ANKRD30B: variants seen among roughly 807,000 people sequenced by gnomAD.
The protein encoded by ANKRD30B is ankyrin repeat domain 30B.
ANKRD30B carries 144 observed loss-of-function variants against 202.2 expected under a neutral mutation model. The observed-to-expected ratio is 0.71, with a 90% CI of 0.62 to 0.82. ANKRD30B has a LOEUF of 0.82. Among genes scored for constraint, ANKRD30B ranks in the 40% least tolerant of loss-of-function variants. ANKRD30B has a pLI of 0.00. For missense variants in ANKRD30B, 1,487 were observed against 1,669.1 expected, an observed-to-expected ratio of 0.89 and a Z score of 1.90; for synonymous variants, 508 against 561.3, an observed-to-expected ratio of 0.91 and a Z score of 1.34.
intron 30 of ANKRD30B, among the ~76,000 whole-genome samples, chr18:14,815,622 A>G (rs1437810136): frequency 6.6e-6 from 1 of 152,190 alleles, no homozygotes; most frequent in East Asian, 1.9e-4. Flanking sequence ...TGTTGCTCTT[A>G]CTTTTGAGTA....
At position 14,765,930 on chromosome 18, in the gene ANKRD30B, T is replaced by C. The variant is rs552818924; in HGVS notation, c.1225+1840T>C. On this transcript the variant is annotated intron_variant, in intron 7 of 43. Transcript: ENST00000690538. ...TTTTTAACTTAAAAAATAACGATAG[T>C]AATTGGTAGGGTTTCTTTTTCACTG... Among the ~76,000 whole-genome samples the C allele has an allele frequency of 7.2e-4, 110 of 152,230 alleles. 3 individuals carry two copies. In the South Asian group the frequency reaches 0.022, roughly 30 times the overall value.
intron 37 of ANKRD30B, among the ~76,000 whole-genome samples, chr18:14,842,363 A>C (rs1444557254): frequency 6.6e-6 from 1 of 152,246 alleles, no homozygotes. Flanking sequence ...TCCATTAAGT[A>C]AATATCCAAG....
At chr18:14,887,466 T>C in the ANKRD30B span, among the ~76,000 whole-genome samples, 2 of 152,194 alleles carry the variant, frequency 1.3e-5, no homozygotes, top group South Asian at 2.1e-4. Context: ...ATATTTGTAA[T>C]GATTTTATTT....
the ANKRD30B span, among the ~76,000 whole-genome samples, chr18:14,925,983 T>C: frequency 2.6e-5 from 4 of 152,186 alleles, no homozygotes; most frequent in African/African-American, 9.7e-5. Flanking sequence ...AGTGTACTTA[T>C]AAATTTTGGG....
chr18:14,788,892 T>C (rs1388879034), intron 15 of ANKRD30B, among the ~76,000 whole-genome samples: 1 of 152,222 alleles, frequency 6.6e-6, no homozygotes, highest in Non-Finnish European at 1.5e-5. Flanking sequence ...TGATTTATAG[T>C]CCTTTGGGTA....
In ANKRD30B at chr18:14,784,420, G is replaced by A. The variant is rs780674750; in HGVS notation, c.1600-43G>A. 30 of 1,612,184 alleles carry A rather than the reference G, an allele frequency of 1.9e-5. No individual in the cohort carries two copies. The South Asian group carries it at 3.2e-4, about 17-fold the overall frequency. On this transcript the variant is annotated intron_variant, in intron 13 of 43. Transcript: ENST00000690538. ...ACTTATTAACTATGTACTTTGTGAA[G>A]TACACATTCTTTATTGATCATTTTT...
chr18:14,867,668 G>C, the ANKRD30B span, among the ~76,000 whole-genome samples: 28 of 152,252 alleles, frequency 1.8e-4, no homozygotes, highest in Middle Eastern at 3.4e-3. Context: ...ACTGGTACTT[G>C]GGTGGGGAGG....
Position 14,754,921 on chromosome 18 carries a change from TG to T in ANKRD30B, c.535del (p.Ala179ProfsTer14). ...QNKASLTPLL[L>X]AIQKRSKQTV... ...CAGGCTAGCCTCACACCCCTTTTAC[TG>T]GCCATACAGAAAAGAAGCAAGCAAA... On this transcript the variant is annotated frameshift_variant, in exon 4 of 44. Transcript: ENST00000690538. LOFTEE classifies it high-confidence loss of function. 6.5e-7 allele frequency: 1 copy of T among 1,548,126 alleles called. No individual in the cohort carries two copies. Among genetic ancestry groups the T allele is most frequent in the Non-Finnish European group, 8.7e-7 (1 of 1,148,334 alleles).
chr18:14,882,659 G>T, the ANKRD30B span, among the ~76,000 whole-genome samples: 1 of 151,964 alleles, frequency 6.6e-6, no homozygotes, highest in Non-Finnish European at 1.5e-5. Flanking sequence ...GTGTTTCTTT[G>T]TTGACTTTCT....
chr18:14,898,551 C>A, the ANKRD30B span, among the ~76,000 whole-genome samples: 1 of 152,290 alleles, frequency 6.6e-6, no homozygotes, highest in African/African-American at 2.4e-5. Flanking sequence ...TTGGGGACTC[C>A]TGCCGCAAAC....
the ANKRD30B span, among the ~76,000 whole-genome samples, chr18:14,873,764 G>A: frequency 1.6e-4 from 24 of 152,184 alleles, no homozygotes; most frequent in South Asian, 6.2e-4. Context: ...AGCATTAGGC[G>A]AGGCTGAGAG....
At chr18:14,940,250 C>T in the ANKRD30B span, among the ~76,000 whole-genome samples, 2 of 152,190 alleles carry the variant, frequency 1.3e-5, no homozygotes, top group Non-Finnish European at 2.9e-5. Context: ...CCATGGCTTT[C>T]GTTCTTCCCG....
chr18:14,891,308 T>C, the ANKRD30B span, among the ~76,000 whole-genome samples: 2 of 149,082 alleles, frequency 1.3e-5, no homozygotes, highest in East Asian at 2.0e-4. Flanking sequence ...ATTCATGTCA[T>C]TGGGATTTAA....
Position 14,810,120 on chromosome 18 carries a change from A to G in ANKRD30B, c.2428A>G (p.Arg810Gly). The G allele has an allele frequency of 4.0e-6, 6 of 1,492,544 alleles. No homozygotes were observed. The South Asian group carries it at 4.7e-5, about 12-fold the overall frequency. 92.5% of individuals were successfully genotyped at this position (1,492,544 alleles called of 1,614,324 possible). ...KDGLLKPTCV[R>G]KVSLPNKALE... Reference sequence around the variant, plus strand: ...CAAACCCATTTAGCCTACCTGTGTAAGGAAAGTTTCTCTTCCAAATAAAGC... The same window carrying G: ...CAAACCCATTTAGCCTACCTGTGTAGGGAAAGTTTCTCTTCCAAATAAAGC... The change falls in exon 28 of 44, where the codon AGG (arginine) becomes GGG (glycine). Residue 810 changes from arginine to glycine, a missense_variant. This residue lies in a region of ANKRD30B where 218 missense variants were observed against 320.1 expected (regional missense o/e 0.68). Transcript: ENST00000690538.
chr18:14,866,945 A>G, the ANKRD30B span, among the ~76,000 whole-genome samples: 5 of 142,146 alleles, frequency 3.5e-5, no homozygotes, highest in African/African-American at 5.3e-5. Context: ...CATGAGCTAC[A>G]ATGTCAGCAA....
chr18:14,866,220 G>C, the ANKRD30B span, among the ~76,000 whole-genome samples: 1 of 152,228 alleles, frequency 6.6e-6, no homozygotes, highest in Non-Finnish European at 1.5e-5. Flanking sequence ...TCTGTTCCCG[G>C]CTTAGAGGAC....
At chr18:14,778,538 G>C (rs190668780) in intron 10 of ANKRD30B, among the ~76,000 whole-genome samples, 3 of 152,286 alleles carry the variant, frequency 2.0e-5, no homozygotes, top group East Asian at 3.9e-4. Context: ...CGGTGGGAAG[G>C]CATTAGGGAT....
chr18:14,774,142 A>T (rs952445654), intron 9 of ANKRD30B, among the ~76,000 whole-genome samples: 1 of 152,242 alleles, frequency 6.6e-6, no homozygotes, highest in East Asian at 1.9e-4. Flanking sequence ...ATGTCTTATT[A>T]TATAATAATA....
chr18:14,754,464 G>C (rs1013249836), intron 3 of ANKRD30B, among the ~76,000 whole-genome samples: 3 of 152,140 alleles, frequency 2.0e-5, no homozygotes, highest in African/African-American at 7.2e-5. Context: ...TTGGGGTACA[G>C]TGCTTCTGGT....
Sources: allele counts gnomAD v4.1 joint callset (sites outside exome capture counted in the v4.1 genomes callset), GRCh38; gene constraint gnomAD v4.1.1; regional missense constraint gnomAD v4.1.1; transcripts MANE v1.5; gene names NCBI Gene and HGNC (gene_info 2026-07-23, HGNC 2026-07-21).